NALF1: variants seen among roughly 807,000 people sequenced by gnomAD.
The protein encoded by NALF1 is family with sequence similarity 155 member A.
A neutral mutation model predicts 48.4 loss-of-function variants in NALF1; 3 were observed. The ratio of observed to expected loss-of-function variants is 0.06; its 90% CI spans 0.03 to 0.16. The LOEUF (loss-of-function observed/expected upper bound fraction) is 0.16, where lower values mean the gene tolerates loss of function less well. NALF1 is among the 10% of genes least tolerant of loss of function. NALF1 has a pLI of 1.00. For missense variants in NALF1, 526 were observed against 571.5 expected, an observed-to-expected ratio of 0.92 and a Z score of 0.81; for synonymous variants, 262 against 245.7, an observed-to-expected ratio of 1.07 and a Z score of -0.62.
intron 1 of NALF1, among the ~76,000 whole-genome samples, chr13:107,571,946 T>C (rs996875972): frequency 2.0e-5 from 3 of 152,178 alleles, no homozygotes; most frequent in Non-Finnish European, 4.4e-5. Context: ...AATCATCGAT[T>C]TGTAGAAATC....
chr13:107,796,353 T>G (rs1453954962), intron 1 of NALF1, among the ~76,000 whole-genome samples: 2 of 152,234 alleles, frequency 1.3e-5, no homozygotes, highest in Admixed American at 1.3e-4. Flanking sequence ...TTAATTGAAT[T>G]TTGGAGGCCT....
At chr13:107,658,180 T>C (rs755406870) in intron 1 of NALF1, among the ~76,000 whole-genome samples, 11 of 152,170 alleles carry the variant, frequency 7.2e-5, no homozygotes, top group Non-Finnish European at 8.8e-5. Flanking sequence ...TTTCCTTTTG[T>C]TGAGATTGGT....
chr13:107,828,964 G>C (rs1221427309), intron 1 of NALF1, among the ~76,000 whole-genome samples: 2 of 152,060 alleles, frequency 1.3e-5, no homozygotes, highest in African/African-American at 4.8e-5. Context: ...TATGTGCACT[G>C]TTTTATTTTT....
chr13:107,713,310 G>A (rs1159469097), intron 1 of NALF1, among the ~76,000 whole-genome samples: 3 of 152,146 alleles, frequency 2.0e-5, no homozygotes, highest in Non-Finnish European at 1.5e-5. Context: ...CTTGGGCATT[G>A]TTCCATTCTG....
At chr13:107,381,204 G>T (rs949918122) in intron 1 of NALF1, among the ~76,000 whole-genome samples, 7 of 139,178 alleles carry the variant, frequency 5.0e-5, no homozygotes, top group Non-Finnish European at 7.9e-5. Context: ...AAAAAATAGA[G>T]TTTTTTTTTT....
At chr13:107,452,595 G>A (rs1329147902) in intron 1 of NALF1, among the ~76,000 whole-genome samples, 2 of 152,152 alleles carry the variant, frequency 1.3e-5, no homozygotes, top group Non-Finnish European at 2.9e-5. Context: ...AATTCAAGAT[G>A]AGACTTGGGC....
At chr13:107,382,461 G>A (rs1162714419) in intron 1 of NALF1, among the ~76,000 whole-genome samples, 1 of 152,004 alleles carries the variant, frequency 6.6e-6, no homozygotes, top group Non-Finnish European at 1.5e-5. Context: ...GACTTACAGA[G>A]GAGTTGCAAA....
At chr13:107,213,230 C>CAAAAAAAAAAAAAAAAAAAA (rs386380636) in intron 1 of NALF1, among the ~76,000 whole-genome samples, 2 of 103,378 alleles carry the variant, frequency 1.9e-5, no homozygotes, top group Non-Finnish European at 1.8e-5. Flanking sequence ...TTTTTTAACT[C>CAAAAAAAAAAAAAAAAAAAA]AAAAAAAAAA....
intron 1 of NALF1, among the ~76,000 whole-genome samples, chr13:107,836,996 C>T (rs1011560120): frequency 2.6e-5 from 4 of 152,130 alleles, no homozygotes; most frequent in African/African-American, 9.7e-5. Context: ...AACTCTTAAT[C>T]ACAGTAAAGG....
rs984369441 is a variant in NALF1 at position 107,318,824 on chromosome 13, T to C, written c.916-108069A>G. On this transcript the variant is annotated intron_variant, in intron 1 of 2. Transcript: ENST00000375915. ...AAAGGTTCATTAATAAAGAATGGTT[T>C]AGGTAAAATTCATAAAACAACAATA... 5.3e-5 allele frequency among the ~76,000 whole-genome samples: 8 copies of C among 152,212 alleles called. No individual in the cohort carries two copies. The South Asian group carries it at 1.4e-3, about 28-fold the overall frequency.
At chr13:107,674,912 T>C (rs554819894) in intron 1 of NALF1, among the ~76,000 whole-genome samples, 112 of 152,220 alleles carry the variant, frequency 7.4e-4, no homozygotes, top group Non-Finnish European at 4.6e-4. Flanking sequence ...TCAGATTCTG[T>C]TGGAAGCTTG....
At chr13:107,596,340 T>C (rs947448208) in intron 1 of NALF1, among the ~76,000 whole-genome samples, 84 of 152,284 alleles carry the variant, frequency 5.5e-4, no homozygotes, top group African/African-American at 1.8e-3. Flanking sequence ...CAAAGGATTA[T>C]AAATAATTCC....
chr13:107,172,476 A>T (rs1878827317), intron 2 of NALF1, among the ~76,000 whole-genome samples: 2 of 152,176 alleles, frequency 1.3e-5, no homozygotes. Context: ...ATACACTTCA[A>T]TCTTCATTTT....
At chr13:107,627,399 A>T (rs909270581) in intron 1 of NALF1, among the ~76,000 whole-genome samples, 1 of 152,084 alleles carries the variant, frequency 6.6e-6, no homozygotes, top group African/African-American at 2.4e-5. Flanking sequence ...TTATTAGAAA[A>T]GCCTATAATG....
rs546428479 is a variant in NALF1 at position 107,781,747 on chromosome 13, T to C, written c.915+83935A>G. ...GAGTCAGATGTCACTGCTATACGCC[T>C]CTAAAAGCTCTATTCTTTGACGTTA... On this transcript the variant is annotated intron_variant, in intron 1 of 2. Coordinates refer to ENST00000375915, the MANE Select transcript of NALF1 (RefSeq NM_001080396.3). 2.0e-5 allele frequency among the ~76,000 whole-genome samples: 3 copies of C among 152,136 alleles called. No homozygotes were observed. In the East Asian group the frequency reaches 5.8e-4, roughly 29 times the overall value.
At position 107,682,754 on chromosome 13, in the gene NALF1, G is replaced by A. The variant is rs751411368; in HGVS notation, c.915+182928C>T. Among the ~76,000 whole-genome samples, 77 of 152,072 alleles carry A rather than the reference G, an allele frequency of 5.1e-4. 1 individual carries two copies. Among genetic ancestry groups the A allele is most frequent in the Admixed American group, 2.0e-4 (3 of 15,258 alleles). ...TTGCCTAGGTGTCCTCCTAGGCAGGGGTCCTCCACGAGATGTGCTGCATTG... is the reference window on the plus strand; with the variant it reads ...TTGCCTAGGTGTCCTCCTAGGCAGGAGTCCTCCACGAGATGTGCTGCATTG... On this transcript the variant is annotated intron_variant, in intron 1 of 2. Transcript: ENST00000375915.
At chr13:107,525,027 T>C (rs1876385019) in intron 1 of NALF1, among the ~76,000 whole-genome samples, 2 of 152,090 alleles carry the variant, frequency 1.3e-5, no homozygotes, top group Non-Finnish European at 2.9e-5. Flanking sequence ...TCTGTCCTTG[T>C]TTTCAACATG....
At chr13:107,507,594 T>TAAAAA (rs548709767) in intron 1 of NALF1, among the ~76,000 whole-genome samples, 4 of 86,420 alleles carry the variant, frequency 4.6e-5, no homozygotes, top group African/African-American at 2.2e-4. Context: ...TATTCTCCAT[T>TAAAAA]AAAAAAAAAA....
intron 1 of NALF1, among the ~76,000 whole-genome samples, chr13:107,627,873 G>T (rs1019444487): frequency 6.6e-6 from 1 of 151,880 alleles, no homozygotes; most frequent in Non-Finnish European, 1.5e-5. Flanking sequence ...AACCAAACTC[G>T]CTGGACAATA....
Sources: gnomAD v4.1 joint callset for allele counts (sites outside exome capture counted in the v4.1 genomes callset) on GRCh38, gnomAD v4.1.1 for gene constraint, MANE v1.5 for transcripts, NCBI Gene and HGNC (gene_info 2026-07-23, HGNC 2026-07-21) for gene names.